EVI2B: variants seen among roughly 807,000 people sequenced by gnomAD.
EVI2B encodes the protein ecotropic viral integration site 2B.
EVI2B carries 4 observed loss-of-function variants against 6.6 expected under a neutral mutation model. That is an observed-to-expected ratio of 0.61 (90% CI 0.30 to 1.39). The LOEUF (loss-of-function observed/expected upper bound fraction) is 1.39, where lower values mean the gene tolerates loss of function less well. EVI2B is among the 40% of genes most tolerant of loss of function. The pLI is 0.08. For missense variants in EVI2B, 484 were observed against 516.6 expected (o/e 0.94, Z 0.61); for synonymous variants, 181 against 186.8 (o/e 0.97, Z 0.25).
intron 1 of EVI2B, among the ~76,000 whole-genome samples, chr17:31,308,747 C>T (rs2068795852): frequency 1.3e-5 from 2 of 152,118 alleles, no homozygotes; most frequent in Admixed American, 1.3e-4. Flanking sequence ...AACCCAAGTT[C>T]TCTGTGACTG....
Position 31,304,662 on chromosome 17 carries a change from T to C in EVI2B, c.948A>G (p.Thr316=), listed in dbSNP as rs749516640. ...TEKIKDQVNG[T]SEDSADGSTV... ...TTGAACCATCAGCACTATCTTCTGA[T>C]GTACCATTTACTTGATCTTTTATTT... Residue 316 remains threonine (T), a synonymous_variant, in exon 2 of 2, where the codon ACA becomes ACG. Coordinates refer to ENST00000330927, the MANE Select transcript of EVI2B (RefSeq NM_006495.4). The C allele has an allele frequency of 2.5e-6, 4 of 1,614,208 alleles. No homozygotes were observed. Among genetic ancestry groups the C allele is most frequent in the East Asian group, 4.5e-5 (2 of 44,884 alleles).
In EVI2B at chr17:31,304,173, A is replaced by C; in HGVS notation, c.*90T>G. 7.8e-7 allele frequency: 1 copy of C among 1,273,994 alleles called. No homozygotes were observed. Among genetic ancestry groups the C allele is most frequent in the Non-Finnish European group, 1.1e-6 (1 of 923,246 alleles). 78.9% of individuals were successfully genotyped at this position (1,273,994 alleles called of 1,614,324 possible). ...AGTTCCTGAATAAAAATCAAAATTG[A>C]CTATCAGTTGCCATTTTATATATGT... On this transcript the variant is annotated 3_prime_UTR_variant, in exon 2 of 2. Transcript: ENST00000330927.
chr17:31,311,794 GTTTC>G (rs759394284), intron 1 of EVI2B, among the ~76,000 whole-genome samples: 4 of 152,106 alleles, frequency 2.6e-5, no homozygotes, highest in Non-Finnish European at 4.4e-5. Context: ...TGCCAGAACC[GTTTC>G]TTTCTATCAC....
At position 31,304,531 on chromosome 17, in the gene EVI2B, A is replaced by T. The variant is rs769962397; in HGVS notation, c.1079T>A (p.Met360Lys). 6.2e-7 allele frequency: 1 copy of T among 1,614,190 alleles called. No homozygotes were observed. The highest frequency in any genetic ancestry group is 2.2e-5 in the East Asian group (1 of 44,886). ...QESNQSDKPT[M>K]TIVSPLPNDS... is the part of the protein sequence containing the mutation. Reference sequence around the variant, plus strand: ...ATTTGGAAGAGGAGATACAATTGTCATTGTGGGTTTGTCAGATTGGTTACT... The same window carrying T: ...ATTTGGAAGAGGAGATACAATTGTCTTTGTGGGTTTGTCAGATTGGTTACT... Residue 360 changes from methionine (M) to lysine (K), a missense_variant, in exon 2 of 2, where the codon ATG becomes AAG. By Grantham distance (95) the Met-to-Lys change is moderately conservative. Coordinates refer to ENST00000330927, the MANE Select transcript of EVI2B (RefSeq NM_006495.4).
Position 31,304,517 on chromosome 17 carries a change from G to A in EVI2B, c.1093C>T (p.Pro365Ser), listed in dbSNP as rs778076516. The A allele has an allele frequency of 1.1e-5, 18 of 1,614,162 alleles. No homozygotes were observed. In the South Asian group the frequency reaches 2.0e-4, roughly 18 times the overall value. ...AGACTAGTAGAATCATTTGGAAGAGGAGATACAATTGTCATTGTGGGTTTG... is the reference window on the plus strand; with the variant it reads ...AGACTAGTAGAATCATTTGGAAGAGAAGATACAATTGTCATTGTGGGTTTG... ...SDKPTMTIVS[P>S]LPNDSTSLPP... The change falls in exon 2 of 2, where the codon CCT becomes TCT. Residue 365 changes from proline to serine, a missense_variant. Physicochemically the swap from Pro to Ser is moderately conservative, Grantham distance 74. Transcript: ENST00000330927.
At chr17:31,313,936 A>G (rs2068956628) in intron 1 of EVI2B, 43 bp downstream of exon 1, 1 of 397,584 alleles carries the variant, frequency 2.5e-6, no homozygotes. Context: ...AATAAATTTT[A>G]TATAAAGCAA....
At chr17:31,308,416 C>G (rs1386573457) in intron 1 of EVI2B, among the ~76,000 whole-genome samples, 1 of 152,148 alleles carries the variant, frequency 6.6e-6, no homozygotes, top group East Asian at 1.9e-4. Flanking sequence ...GCTGGGATTA[C>G]AGGCATGAGC....
In EVI2B at chr17:31,305,516, A is replaced by G; in HGVS notation, c.94T>C (p.Ser32Pro). ...KTETITTEKQ[S>P]QPTLFTSSMS... ...GATGATGTGAATAAGGTAGGCTGTGACTGCTTCTCTGTTGTAATTGTCTCT... is the reference window on the plus strand; with the variant it reads ...GATGATGTGAATAAGGTAGGCTGTGGCTGCTTCTCTGTTGTAATTGTCTCT... The change falls in exon 2 of 2, where the codon TCA becomes CCA. Residue 32 changes from serine (S) to proline (P), a missense_variant. Physicochemically the swap from Ser to Pro is moderately conservative, Grantham distance 74. Coordinates refer to ENST00000330927, the MANE Select transcript of EVI2B (RefSeq NM_006495.4). 6.2e-7 allele frequency: 1 copy of G among 1,614,178 alleles called. No individual in the cohort carries two copies.
At chr17:31,313,726 G>A (rs927942607) in intron 1 of EVI2B, among the ~76,000 whole-genome samples, 10 of 24,690 alleles carry the variant, frequency 4.1e-4, no homozygotes, top group African/African-American at 1.3e-3. Context: ...AAAAATATGT[G>A]TGTGTGTGTG....
At chr17:31,305,774 C>T in intron 1 of EVI2B, 144 bp from the exon 2 acceptor site, 2 of 711,240 alleles carry the variant, frequency 2.8e-6, no homozygotes, top group Non-Finnish European at 4.5e-6. Flanking sequence ...GTTATTATTC[C>T]TAATTTAGAC....
intron 1 of EVI2B, among the ~76,000 whole-genome samples, chr17:31,310,180 G>T (rs2068831025): frequency 6.6e-6 from 1 of 152,002 alleles, no homozygotes; most frequent in Non-Finnish European, 1.5e-5. Flanking sequence ...TGTAGGTAAA[G>T]AACAATATTG....
intron 1 of EVI2B, 26 bp from the exon 2 acceptor site, chr17:31,305,656 A>G: frequency 6.4e-7 from 1 of 1,559,784 alleles, no homozygotes; most frequent in Non-Finnish European, 8.7e-7. Context: ...AATGAAAGAG[A>G]AAGACAGTTA....
At chr17:31,310,875 A>T (rs2068854796) in intron 1 of EVI2B, among the ~76,000 whole-genome samples, 1 of 151,950 alleles carries the variant, frequency 6.6e-6, no homozygotes, top group Non-Finnish European at 1.5e-5. Flanking sequence ...AAAAAGAAAA[A>T]CATAAATTTA....
intron 1 of EVI2B, among the ~76,000 whole-genome samples, chr17:31,306,019 C>G (rs530097644): frequency 2.0e-5 from 3 of 152,272 alleles, no homozygotes; most frequent in Admixed American, 1.3e-4. Flanking sequence ...CCATTTTCTA[C>G]TAGAAATATA....
At position 31,305,552 on chromosome 17, in the gene EVI2B, A is replaced by G; in HGVS notation, c.58T>C (p.Phe20Leu). The change falls in exon 2 of 2, where the codon TTT (phenylalanine) becomes CTT (leucine). Residue 20 changes from phenylalanine (F) to leucine (L), a missense_variant. Physicochemically the swap from Phe to Leu is conservative, Grantham distance 22. Transcript: ENST00000330927. ...LFCGHLNNTF[F>L]SKTETITTEK... Reference sequence around the variant, plus strand: ...GTTGTAATTGTCTCTGTCTTTGAAAAAAATGTATTGTTCAGGTGTCCACAA... The same window carrying G: ...GTTGTAATTGTCTCTGTCTTTGAAAGAAATGTATTGTTCAGGTGTCCACAA... 6.2e-7 allele frequency: 1 copy of G among 1,614,196 alleles called. No individual in the cohort carries two copies. The highest frequency in any genetic ancestry group is 8.5e-7 in the Non-Finnish European group (1 of 1,180,032).
intron 1 of EVI2B, among the ~76,000 whole-genome samples, chr17:31,313,720 A>ATGTGTG (rs1555625971): frequency 2.0e-5 from 2 of 101,186 alleles, no homozygotes; most frequent in African/African-American, 7.5e-5. Context: ...AAAAAAAAAA[A>ATGTGTG]TATGTGTGTG....
chr17:31,304,109 G>T lies in EVI2B; in HGVS notation c.*154C>A. On this transcript the variant is annotated 3_prime_UTR_variant, in exon 2 of 2. Coordinates refer to ENST00000330927, the MANE Select transcript of EVI2B (RefSeq NM_006495.4). ...GTTAAATAACTTTTTTTAAAAAAAA[G>T]TTTCATCTATGCACATAGGCTCTGA... The T allele has an allele frequency of 1.5e-6, 1 of 662,100 alleles. No homozygotes were observed. Among genetic ancestry groups the T allele is most frequent in the Non-Finnish European group, 2.4e-6 (1 of 414,376 alleles). 41.0% of individuals were successfully genotyped at this position (662,100 alleles called of 1,614,324 possible). A position where few individuals can be genotyped will look rare whatever the true frequency, so the allele number is the denominator to read the frequency against.
chr17:31,304,275 T>C lies in EVI2B; in HGVS notation c.1335A>G (p.Ala445=). The C allele has an allele frequency of 6.2e-7, 1 of 1,608,640 alleles. No homozygotes were observed. Among genetic ancestry groups the C allele is most frequent in the Admixed American group, 1.7e-5 (1 of 59,008 alleles). The change falls in exon 2 of 2, where the codon GCA becomes GCG. Residue 445 remains alanine, a synonymous_variant. Transcript: ENST00000330927. Reference sequence around the variant, plus strand: ...CAAGTTGTAATATTTATAACAGTTCTGCAGGTGGAGGTGGCAGGGATTCAT... The same window carrying C: ...CAAGTTGTAATATTTATAACAGTTCCGCAGGTGGAGGTGGCAGGGATTCAT... ...DLNESLPPPP[A]ELL
At position 31,303,959 on chromosome 17, in the gene EVI2B, A is replaced by G. The variant is rs972611533; in HGVS notation, c.*304T>C. 5.2e-6 allele frequency: 1 copy of G among 190,742 alleles called. No individual in the cohort carries two copies. The highest frequency in any genetic ancestry group is 5.5e-5 in the Admixed American group (1 of 18,162). 11.8% of individuals were successfully genotyped at this position (190,742 alleles called of 1,614,324 possible). On this transcript the variant is annotated 3_prime_UTR_variant, in exon 2 of 2. Transcript: ENST00000330927. ...TACACAGCTTTTCAGGGGAAAAAAAACTGTACTGGGTAATAAGTATATGTA... is the reference window on the plus strand; with the variant it reads ...TACACAGCTTTTCAGGGGAAAAAAAGCTGTACTGGGTAATAAGTATATGTA...
Sources: gnomAD v4.1 joint callset for allele counts (sites outside exome capture counted in the v4.1 genomes callset) on GRCh38, gnomAD v4.1.1 for gene constraint, MANE v1.5 for transcripts, NCBI Gene and HGNC (gene_info 2026-07-23, HGNC 2026-07-21) for gene names.